Variants in FHIT observed in about 807,000 individuals in gnomAD.
The protein encoded by FHIT is fragile histidine triad diadenosine triphosphatase.
In FHIT, 19 loss-of-function variants were observed where a neutral mutation model predicts 17.9. That is an observed-to-expected ratio of 1.06 (90% confidence interval 0.74 to 1.56). FHIT has a LOEUF of 1.56. Ranked by LOEUF, FHIT falls within the 40% of genes most tolerant of loss-of-function variation. FHIT has a pLI of 0.00. For missense variants in FHIT, 248 were observed against 189.2 expected (o/e 1.31, Z -1.82); for synonymous variants, 81 against 69.7 (o/e 1.16, Z -0.81).
chr3:60,958,332 A>G (rs993912761), intron 3 of FHIT, among the ~76,000 whole-genome samples: 6 of 152,238 alleles, frequency 3.9e-5, no homozygotes, highest in African/African-American at 1.4e-4. Context: ...GGAGAAGTAC[A>G]GTATATACAT....
At chr3:59,948,773 T>G (rs1575748112) in intron 7 of FHIT, among the ~76,000 whole-genome samples, 1 of 152,184 alleles carries the variant, frequency 6.6e-6, no homozygotes, top group Non-Finnish European at 1.5e-5. Context: ...TTATCTTCAA[T>G]GAAATGTCTA....
At chr3:60,407,254 T>C (rs1157063554) in intron 5 of FHIT, among the ~76,000 whole-genome samples, 5 of 151,990 alleles carry the variant, frequency 3.3e-5, no homozygotes, top group African/African-American at 1.2e-4. Context: ...TAATCCACCT[T>C]GTGCTTCGGT....
At chr3:61,078,468 G>A (rs529214076) in intron 2 of FHIT, among the ~76,000 whole-genome samples, 4 of 152,036 alleles carry the variant, frequency 2.6e-5, no homozygotes, top group East Asian at 1.9e-4. Context: ...TAGGAAGAAC[G>A]AGTGGAAAAC....
intron 5 of FHIT, among the ~76,000 whole-genome samples, chr3:60,483,048 C>T (rs2033681326): frequency 6.6e-6 from 1 of 152,108 alleles, no homozygotes; most frequent in East Asian, 1.9e-4. Flanking sequence ...ATACTATAAA[C>T]ACCTCTATGC....
chr3:59,949,943 C>T (rs1336436901), intron 7 of FHIT, among the ~76,000 whole-genome samples: 1 of 152,182 alleles, frequency 6.6e-6, no homozygotes, highest in African/African-American at 2.4e-5. Flanking sequence ...GCTACCTGAG[C>T]TTTATTCAGT....
chr3:60,021,297 C>A (rs1184098231), intron 5 of FHIT, among the ~76,000 whole-genome samples: 1 of 152,158 alleles, frequency 6.6e-6, no homozygotes, highest in Non-Finnish European at 1.5e-5. Context: ...GAGCTGCCCT[C>A]AAAACTCCGG....
rs60272360 is a variant in FHIT, at chr3:59,753,753, C to T, written c.349-1432G>A. Among the ~76,000 whole-genome samples, 1,407 of 152,268 alleles carry T rather than the reference C, an allele frequency of 9.2e-3. 29 individuals carry two copies. The highest frequency in any genetic ancestry group is 0.032 in the African/African-American group (1,342 of 41,548). On this transcript the variant is annotated intron_variant, in intron 8 of 9. Transcript: ENST00000492590. ...AACTCATAAAACTGACGCTACTTAA[C>T]CCCATGTTACTGTGGAGGAAACTGA... is the stretch of plus-strand genomic sequence containing the variant.
chr3:59,999,582 T>C (rs563783377), intron 7 of FHIT, among the ~76,000 whole-genome samples: 5 of 152,210 alleles, frequency 3.3e-5, no homozygotes, highest in African/African-American at 9.6e-5. Context: ...CTGTTAGACA[T>C]AGTAAAAACT....
chr3:60,342,249 C>A (rs2106905578), intron 5 of FHIT, among the ~76,000 whole-genome samples: 1 of 152,306 alleles, frequency 6.6e-6, no homozygotes, highest in East Asian at 1.9e-4. Flanking sequence ...ATTGCATGAG[C>A]AATGTTTAAG....
intron 5 of FHIT, among the ~76,000 whole-genome samples, chr3:60,342,433 A>G (rs1199758740): frequency 6.6e-6 from 1 of 152,224 alleles, no homozygotes; most frequent in African/African-American, 2.4e-5. Flanking sequence ...TGATTTTAAA[A>G]AGATTACTGT....
At chr3:59,977,571 T>G (rs55993607) in intron 7 of FHIT, among the ~76,000 whole-genome samples, 2,236 of 152,268 alleles carry the variant, frequency 0.015, 71 homozygotes, top group African/African-American at 0.051. Context: ...AATCTTTGTG[T>G]CAGGACTGAA....
intron 5 of FHIT, among the ~76,000 whole-genome samples, chr3:60,096,473 C>T (rs900367866): frequency 1.3e-5 from 2 of 152,206 alleles, no homozygotes; most frequent in African/African-American, 4.8e-5. Flanking sequence ...AGTTCTCACT[C>T]TGGGTCGCAG....
At chr3:60,705,783 G>A (rs1223789790) in intron 4 of FHIT, among the ~76,000 whole-genome samples, 3 of 152,076 alleles carry the variant, frequency 2.0e-5, no homozygotes, top group Non-Finnish European at 4.4e-5. Flanking sequence ...AGCTACACAT[G>A]CGTCTCACAC....
At chr3:59,849,158 G>A (rs1347774313) in intron 8 of FHIT, among the ~76,000 whole-genome samples, 3 of 152,112 alleles carry the variant, frequency 2.0e-5, no homozygotes, top group Non-Finnish European at 4.4e-5. Flanking sequence ...ATCACTTGAG[G>A]CCAGGAGTTT....
chr3:59,965,799 T>G (rs539527904), intron 7 of FHIT, among the ~76,000 whole-genome samples: 1 of 152,194 alleles, frequency 6.6e-6, no homozygotes, highest in African/African-American at 2.4e-5. Flanking sequence ...TTTAAAATCC[T>G]TTTATCAACA....
At chr3:59,773,774 A>G (rs1034282122) in intron 8 of FHIT, among the ~76,000 whole-genome samples, 4 of 152,058 alleles carry the variant, frequency 2.6e-5, no homozygotes, top group African/African-American at 4.8e-5. Flanking sequence ...CCCCATCCCA[A>G]ATGATTCCTC....
chr3:60,577,657 C>T (rs1308062689), intron 4 of FHIT, among the ~76,000 whole-genome samples: 1 of 152,106 alleles, frequency 6.6e-6, no homozygotes, highest in Non-Finnish European at 1.5e-5. Flanking sequence ...GACATCAGTG[C>T]TAAGAGGCTT....
At chr3:60,924,383 G>C (rs963728706) in intron 3 of FHIT, among the ~76,000 whole-genome samples, 6 of 152,110 alleles carry the variant, frequency 3.9e-5, no homozygotes, top group Admixed American at 2.0e-4. Context: ...AATCAGTCAG[G>C]AACATTTGCT....
At chr3:61,140,022 C>CAAAAAAAAAAA (rs112352685) in intron 2 of FHIT, among the ~76,000 whole-genome samples, 3 of 110,022 alleles carry the variant, frequency 2.7e-5, no homozygotes, top group Non-Finnish European at 4.0e-5. Context: ...CAAGAGAAAG[C>CAAAAAAAAAAA]AAAAAAAAAA....
Sources: allele counts gnomAD v4.1 joint callset (sites outside exome capture counted in the v4.1 genomes callset), GRCh38; gene constraint gnomAD v4.1.1; transcripts MANE v1.5; gene names NCBI Gene and HGNC (gene_info 2026-07-23, HGNC 2026-07-21).